RSRC1: variants seen among roughly 807,000 people sequenced by gnomAD.
RSRC1 encodes serine/Arginine-related protein 53.
In RSRC1, 39 loss-of-function variants were observed where a neutral mutation model predicts 49.1. The observed-to-expected ratio is 0.79, with a 90% CI of 0.61 to 1.04. The LOEUF (loss-of-function observed/expected upper bound fraction) is 1.04, where lower values mean the gene tolerates loss of function less well. Ranked by LOEUF, RSRC1 falls within the 50% of genes least tolerant of loss-of-function variation. The pLI, the probability that RSRC1 is intolerant of heterozygous loss-of-function variation, is 0.00. For synonymous variants in RSRC1, 143 were observed against 130.8 expected, an observed-to-expected ratio of 1.09 and a Z score of -0.63; for missense variants, 388 against 402.4, an observed-to-expected ratio of 0.96 and a Z score of 0.31.
At chr3:158,368,014 T>C (rs970010533) in intron 6 of RSRC1, among the ~76,000 whole-genome samples, 1 of 147,742 alleles carries the variant, frequency 6.8e-6, no homozygotes, top group Non-Finnish European at 1.5e-5. Context: ...TTTGAGTGGC[T>C]ATTATTTACC....
intron 6 of RSRC1, among the ~76,000 whole-genome samples, chr3:158,404,697 A>G (rs1156373530): frequency 6.6e-6 from 1 of 151,974 alleles, no homozygotes; most frequent in Non-Finnish European, 1.5e-5. Context: ...TTTAAATGTG[A>G]TAATCCTGAA....
At chr3:158,129,928 GCTTTT>G (rs1715901756) in intron 3 of RSRC1, among the ~76,000 whole-genome samples, 1 of 152,124 alleles carries the variant, frequency 6.6e-6, no homozygotes, top group African/African-American at 2.4e-5. Context: ...CATTTATTTT[GCTTTT>G]CTTTAGTTTC....
chr3:158,530,534 T>C (rs1712322933), intron 7 of RSRC1, among the ~76,000 whole-genome samples: 1 of 151,912 alleles, frequency 6.6e-6, no homozygotes, highest in Non-Finnish European at 1.5e-5. Flanking sequence ...AAACTCTCAT[T>C]CATTTCCAAG....
At chr3:158,355,167 G>A (rs1050397811) in intron 6 of RSRC1, among the ~76,000 whole-genome samples, 2 of 151,752 alleles carry the variant, frequency 1.3e-5, no homozygotes, top group African/African-American at 4.8e-5. Flanking sequence ...TTATTTTGAT[G>A]AAGCCCAATT....
At chr3:158,428,427 C>G (rs1465233664) in intron 6 of RSRC1, among the ~76,000 whole-genome samples, 2 of 151,834 alleles carry the variant, frequency 1.3e-5, no homozygotes, top group Non-Finnish European at 2.9e-5. Flanking sequence ...AACAACCTGA[C>G]TCTGCATCCT....
chr3:158,225,574 T>C (rs1297469746), intron 4 of RSRC1: 1 of 353,526 alleles, frequency 2.8e-6, no homozygotes, highest in Non-Finnish European at 5.5e-6. Context: ...CCTTTTGGTT[T>C]GGAGGCAATT....
chr3:158,228,087 C>T (rs183307088), intron 4 of RSRC1, among the ~76,000 whole-genome samples: 150 of 151,992 alleles, frequency 9.9e-4, no homozygotes, highest in African/African-American at 3.3e-3. Context: ...TTAAATTCAT[C>T]GATTTGAATC....
intron 3 of RSRC1, among the ~76,000 whole-genome samples, chr3:158,188,182 C>T (rs1720034370): frequency 6.6e-6 from 1 of 151,816 alleles, no homozygotes; most frequent in Admixed American, 6.6e-5. Flanking sequence ...CTAGTGGGAA[C>T]TCTTTCTCCC....
rs562543061 is a variant in RSRC1 at position 158,398,508 on chromosome 3, A to G, written c.583+43600A>G. On this transcript the variant is annotated intron_variant, in intron 6 of 9. Coordinates refer to ENST00000611884, the MANE Select transcript of RSRC1 (RefSeq NM_001271838.2). ...TTATGAGGCACGAATCTGATCCATA[A>G]AGGTGGATCCCTCATGTCCTAGTCA... Among the ~76,000 whole-genome samples the G allele has an allele frequency of 5.3e-5, 8 of 152,232 alleles. No homozygotes were observed. In the South Asian group the frequency reaches 1.2e-3, roughly 24 times the overall value.
rs960161207 is a variant in RSRC1, at chr3:158,123,986, A to G, written c.315A>G (p.Thr105=). ...AGAGGTCTAGGTCAAAAAGCAGAAC[A>G]AGAAGGTATGCCTTATTAAGTATTT... The part of the protein sequence containing the change: ...RVQRSRSKSR[T]RRSRSRPRLR... Residue 105 remains threonine (T), a synonymous_variant, in exon 3 of 10, where the codon ACA becomes ACG. Transcript: ENST00000611884. The G allele has an allele frequency of 1.3e-5, 20 of 1,594,360 alleles. No individual in the cohort carries two copies. The highest frequency in any genetic ancestry group is 1.7e-5 in the Non-Finnish European group (20 of 1,171,146).
chr3:158,261,008 T>C (rs559381964), intron 4 of RSRC1, among the ~76,000 whole-genome samples: 4 of 152,198 alleles, frequency 2.6e-5, no homozygotes, highest in Non-Finnish European at 5.9e-5. Flanking sequence ...TTCCTTAATG[T>C]GGTGTTAAAA....
chr3:158,335,303 C>T (rs554809064), intron 5 of RSRC1, among the ~76,000 whole-genome samples: 1 of 152,044 alleles, frequency 6.6e-6, no homozygotes, highest in South Asian at 2.1e-4. Context: ...TGACCGGACA[C>T]AAAGGAAATT....
chr3:158,509,152 T>A (rs1441053779), intron 7 of RSRC1, among the ~76,000 whole-genome samples: 2 of 152,228 alleles, frequency 1.3e-5, no homozygotes, highest in African/African-American at 4.8e-5. Flanking sequence ...AGATCCGTGA[T>A]CCATTTTGAG....
chr3:158,391,752 T>C (rs1733309873), intron 6 of RSRC1, among the ~76,000 whole-genome samples: 1 of 152,042 alleles, frequency 6.6e-6, no homozygotes, highest in Non-Finnish European at 1.5e-5. Flanking sequence ...AGAAAAATAA[T>C]AGAGTGGTAC....
intron 4 of RSRC1, among the ~76,000 whole-genome samples, chr3:158,265,892 A>AT (rs774049036): frequency 2.6e-5 from 4 of 151,854 alleles, no homozygotes; most frequent in Admixed American, 6.6e-5. Context: ...GGTAGGGATG[A>AT]TTTTTTTTGT....
intron 7 of RSRC1, among the ~76,000 whole-genome samples, chr3:158,480,519 T>G (rs1377989610): frequency 6.6e-6 from 1 of 152,064 alleles, no homozygotes; most frequent in East Asian, 1.9e-4. Context: ...TTTTTCTAAT[T>G]TTTATATTAT....
At chr3:158,533,774 A>G (rs951063453) in intron 7 of RSRC1, among the ~76,000 whole-genome samples, 1 of 151,828 alleles carries the variant, frequency 6.6e-6, no homozygotes, top group East Asian at 1.9e-4. Context: ...TAGTTTTCAT[A>G]TTGACATTGA....
intron 3 of RSRC1, among the ~76,000 whole-genome samples, chr3:158,183,156 A>T (rs1719726930): frequency 6.6e-6 from 1 of 152,158 alleles, no homozygotes; most frequent in African/African-American, 2.4e-5. Context: ...AAAGGTAAGA[A>T]AATAAACTTA....
At chr3:158,183,376 G>T (rs1719740682) in intron 3 of RSRC1, among the ~76,000 whole-genome samples, 1 of 151,820 alleles carries the variant, frequency 6.6e-6, no homozygotes, top group East Asian at 1.9e-4. Flanking sequence ...TAGTAAAAAT[G>T]GAAATGAGTG....
Sources: gnomAD v4.1 joint callset for allele counts (sites outside exome capture counted in the v4.1 genomes callset) on GRCh38, gnomAD v4.1.1 for gene constraint, MANE v1.5 for transcripts, NCBI Gene and HGNC (gene_info 2026-07-23, HGNC 2026-07-21) for gene names.